Variants in MSH3 observed in about 807,000 individuals in gnomAD.
The protein encoded by MSH3 is DNA mismatch repair protein Msh3.
In MSH3, 106 loss-of-function variants were observed where a neutral mutation model predicts 123.3. The observed-to-expected ratio is 0.86, with a 90% CI of 0.73 to 1.01. MSH3 has a LOEUF of 1.01. Among genes scored for constraint, MSH3 ranks in the 50% least tolerant of loss-of-function variants. The pLI is 0.00. For synonymous variants in MSH3, 515 were observed against 481.4 expected, an observed-to-expected ratio of 1.07 and a Z score of -0.91; for missense variants, 1,459 against 1,347.6, an observed-to-expected ratio of 1.08 and a Z score of -1.29.
chr5:80,729,436 GT>G, intron 10 of MSH3, among the ~76,000 whole-genome samples: 3 of 106,076 alleles, frequency 2.8e-5, no homozygotes, highest in African/African-American at 7.3e-5. Flanking sequence ...AAAAATGTGT[GT>G]GTGTGTGTGT....
rs6151646 is a variant in MSH3 at position 80,674,080 on chromosome 5, G to A, written c.1028-903G>A. Among the ~76,000 whole-genome samples, 571 of 152,300 alleles carry A rather than the reference G, an allele frequency of 3.7e-3. 2 individuals carry two copies. Among genetic ancestry groups the A allele is most frequent in the Middle Eastern group, 0.024 (7 of 294 alleles). On this transcript the variant is annotated intron_variant, in intron 6 of 23. Coordinates refer to ENST00000265081, the MANE Select transcript of MSH3 (RefSeq NM_002439.5). Reference sequence around the variant, plus strand: ...CAAAATGGGCTCCAAACTATTAACAGCCTTGTGTTGTTCTAAGCTGATCAG... The same window carrying A: ...CAAAATGGGCTCCAAACTATTAACAACCTTGTGTTGTTCTAAGCTGATCAG...
intron 12 of MSH3, among the ~76,000 whole-genome samples, chr5:80,760,319 GTGTGGGCCT>G (rs1744010214): frequency 1.3e-5 from 2 of 152,174 alleles, no homozygotes; most frequent in Admixed American, 1.3e-4. Context: ...ATTATACCTA[GTGTGGGCCT>G]TTGATGTTTA....
At chr5:80,666,914 A>T (rs1749586723) in intron 3 of MSH3, among the ~76,000 whole-genome samples, 1 of 152,218 alleles carries the variant, frequency 6.6e-6, no homozygotes, top group Non-Finnish European at 1.5e-5. Flanking sequence ...AGTTCAGCAT[A>T]CTGTCTCTGG....
chr5:80,859,278 GC>G (rs1745970262), intron 21 of MSH3, among the ~76,000 whole-genome samples: 1 of 151,900 alleles, frequency 6.6e-6, no homozygotes, highest in South Asian at 2.1e-4. Context: ...GTGCCACCAC[GC>G]CTGGCTAATT....
intron 20 of MSH3, among the ~76,000 whole-genome samples, chr5:80,836,619 C>G (rs957748245): frequency 7.3e-5 from 11 of 151,016 alleles, no homozygotes; most frequent in African/African-American, 2.7e-4. Context: ...TCAGGACCCC[C>G]CAGTATGAAA....
chr5:80,854,332 A>G lies in MSH3; in HGVS notation c.3000+16A>G. ...CATCAGAGATGTAAGTATCCGGTAA[A>G]CTGTATTTAAAAAGAAATTAATTTG... On this transcript the variant is annotated intron_variant, in intron 21 of 23. Transcript: ENST00000265081. 6.2e-7 allele frequency: 1 copy of G among 1,605,932 alleles called. No homozygotes were observed. Among genetic ancestry groups the G allele is most frequent in the African/African-American group, 1.3e-5 (1 of 74,908 alleles).
chr5:80,817,834 G>T (rs1016309615), intron 20 of MSH3, among the ~76,000 whole-genome samples: 1 of 152,070 alleles, frequency 6.6e-6, no homozygotes, highest in Non-Finnish European at 1.5e-5. Context: ...ATCAGAAATG[G>T]CTGCTAATGT....
chr5:80,769,443 C>G (rs575948198), intron 15 of MSH3, among the ~76,000 whole-genome samples: 1 of 151,750 alleles, frequency 6.6e-6, no homozygotes, highest in Non-Finnish European at 1.5e-5. Flanking sequence ...CTAAAAAAAA[C>G]AAGTCTAGAG....
intron 8 of MSH3, among the ~76,000 whole-genome samples, chr5:80,717,652 C>T (rs1268055189): frequency 1.3e-5 from 2 of 152,194 alleles, no homozygotes; most frequent in African/African-American, 4.8e-5. Flanking sequence ...GTTCACGCCT[C>T]TCTGTGTCCT....
chr5:80,722,602 C>A (rs1751104166), intron 8 of MSH3, among the ~76,000 whole-genome samples: 1 of 152,140 alleles, frequency 6.6e-6, no homozygotes, highest in African/African-American at 2.4e-5. Flanking sequence ...ACACCTGTTC[C>A]TGTTTCAGAT....
intron 21 of MSH3, among the ~76,000 whole-genome samples, chr5:80,863,536 T>C (rs937385269): frequency 1.3e-5 from 2 of 151,512 alleles, no homozygotes; most frequent in South Asian, 2.1e-4. Flanking sequence ...CCAGGCGTGG[T>C]GGCGGGCACC....
chr5:80,834,780 C>T (rs1745480463), intron 20 of MSH3, among the ~76,000 whole-genome samples: 1 of 151,840 alleles, frequency 6.6e-6, no homozygotes, highest in South Asian at 2.1e-4. Flanking sequence ...AGACCATTGC[C>T]TAATAAAAGT....
chr5:80,852,886 A>G (rs1166240471), intron 20 of MSH3, among the ~76,000 whole-genome samples: 1 of 152,174 alleles, frequency 6.6e-6, no homozygotes, highest in Non-Finnish European at 1.5e-5. Flanking sequence ...TATTTTGTGA[A>G]CTATTGTAGC....
chr5:80,857,560 T>C (rs2112110490), intron 21 of MSH3, among the ~76,000 whole-genome samples: 1 of 152,372 alleles, frequency 6.6e-6, no homozygotes, highest in Middle Eastern at 3.4e-3. Context: ...AGTTCTTCAA[T>C]AGATATAGAC....
At chr5:80,739,941 A>G (rs571948688) in intron 10 of MSH3, among the ~76,000 whole-genome samples, 2 of 152,292 alleles carry the variant, frequency 1.3e-5, no homozygotes, top group East Asian at 3.9e-4. Context: ...ATGTTACCTA[A>G]ATTTCATTAT....
At chr5:80,842,120 A>G (rs1442878995) in intron 20 of MSH3, among the ~76,000 whole-genome samples, 3 of 152,332 alleles carry the variant, frequency 2.0e-5, no homozygotes, top group Admixed American at 1.3e-4. Flanking sequence ...AGCTTTCTAC[A>G]TATGGCTAGC....
At chr5:80,849,481 A>G (rs888537658) in intron 20 of MSH3, among the ~76,000 whole-genome samples, 5 of 152,146 alleles carry the variant, frequency 3.3e-5, no homozygotes, top group Admixed American at 3.3e-4. Flanking sequence ...TTCTGCCTGG[A>G]CATCCAGTTA....
chr5:80,720,992 C>G (rs1314329554), intron 8 of MSH3, among the ~76,000 whole-genome samples: 1 of 152,190 alleles, frequency 6.6e-6, no homozygotes, highest in African/African-American at 2.4e-5. Flanking sequence ...TACTTTTACC[C>G]TAAAACTTTC....
At chr5:80,810,609 T>C (rs1372680152) in intron 19 of MSH3, among the ~76,000 whole-genome samples, 1 of 152,180 alleles carries the variant, frequency 6.6e-6, no homozygotes, top group African/African-American at 2.4e-5. Context: ...AGGAACTGTA[T>C]ACATGTCAAT....
Sources: gnomAD v4.1 joint callset for allele counts (sites outside exome capture counted in the v4.1 genomes callset) on GRCh38, gnomAD v4.1.1 for gene constraint, MANE v1.5 for transcripts, NCBI Gene and HGNC (gene_info 2026-07-23, HGNC 2026-07-21) for gene names.